EIF4G3: variants seen among roughly 807,000 people sequenced by gnomAD.
EIF4G3 encodes the protein eukaryotic translation initiation factor 4 gamma 3.
Under a neutral mutation model 186.4 loss-of-function variants are expected in EIF4G3, and 34 were observed. That is an observed-to-expected ratio of 0.18 (90% CI 0.14 to 0.24). The LOEUF (loss-of-function observed/expected upper bound fraction) is 0.24. EIF4G3 is among the 10% of genes least tolerant of loss of function. The probability of loss-of-function intolerance (pLI) is 1.00; values close to 1 mark genes in which losing one functional copy is unlikely to be tolerated. For synonymous variants in EIF4G3, 673 were observed against 679.5 expected, an observed-to-expected ratio of 0.99 and a Z score of 0.15; for missense variants, 1,536 against 1,948.5, an observed-to-expected ratio of 0.79 and a Z score of 3.99.
chr1:21,076,198 A>G (rs563965982), intron 3 of EIF4G3, among the ~76,000 whole-genome samples: 2 of 152,374 alleles, frequency 1.3e-5, no homozygotes, highest in South Asian at 4.1e-4. Context: ...ATCTTTGGAA[A>G]TAGATCTGTA....
chr1:21,024,303 A>G (rs1270399926), intron 4 of EIF4G3, among the ~76,000 whole-genome samples: 1 of 148,808 alleles, frequency 6.7e-6, no homozygotes, highest in Non-Finnish European at 1.5e-5. Flanking sequence ...GGAAGTGAAG[A>G]GCCCCTCTGC....
At chr1:21,156,855 G>A (rs760109151) in intron 2 of EIF4G3, among the ~76,000 whole-genome samples, 8 of 151,986 alleles carry the variant, frequency 5.3e-5, no homozygotes, top group East Asian at 1.9e-4. Context: ...CCAGAGGATC[G>A]CTTGAGCCCA....
Position 21,002,721 on chromosome 1 carries a change from G to A in EIF4G3, c.22C>T (p.Arg8Cys), listed in dbSNP as rs775723043. MNSQPQT[R>C]SPPSRTVPIH... is the part of the protein sequence containing the mutation. ...AGCTTCTGCTTACTTACCGGAGAAC[G>A]GGTTTGAGGTTGTGAATTCATTGTC... Residue 8 changes from arginine (R) to cysteine (C), a missense_variant, in exon 5 of 37, where the codon CGT becomes TGT. Arg to Cys is a radical substitution (Grantham distance 180, BLOSUM62 -3). Transcript: ENST00000602326. 6 of 1,613,300 alleles carry A rather than the reference G, an allele frequency of 3.7e-6. No homozygotes were observed. Among genetic ancestry groups the A allele is most frequent in the Admixed American group, 1.7e-5 (1 of 59,886 alleles).
chr1:20,955,100 T>TGAGGCAGGCAG (rs1476319330), intron 12 of EIF4G3, among the ~76,000 whole-genome samples: 2 of 152,116 alleles, frequency 1.3e-5, no homozygotes, highest in African/African-American at 4.8e-5. Context: ...TGGTGTGAAA[T>TGAGGCAGGCAG]GAGGCAGGCA....
chr1:21,066,289 T>C (rs1458780006), intron 3 of EIF4G3, among the ~76,000 whole-genome samples: 2 of 60,744 alleles, frequency 3.3e-5, no homozygotes, highest in East Asian at 1.0e-3. Flanking sequence ...AGTCCACTCC[T>C]GGAGGAAAAA....
intron 7 of EIF4G3, among the ~76,000 whole-genome samples, chr1:20,982,906 T>C (rs1376943145): frequency 6.6e-6 from 1 of 152,204 alleles, no homozygotes; most frequent in African/African-American, 2.4e-5. Flanking sequence ...TTTTAACTAA[T>C]CAGGTATATA....
intron 14 of EIF4G3, among the ~76,000 whole-genome samples, chr1:20,911,592 T>C (rs1396476587): frequency 1.7e-5 from 2 of 117,072 alleles, no homozygotes; most frequent in Non-Finnish European, 3.6e-5. Context: ...AAAAAAAGAA[T>C]GTAAAAGCGC....
chr1:21,098,540 GAAAAAAA>G (rs59544256), intron 2 of EIF4G3, among the ~76,000 whole-genome samples: 9 of 72,720 alleles, frequency 1.2e-4, no homozygotes, highest in East Asian at 5.0e-4. Flanking sequence ...GCCCTGTCTC[GAAAAAAA>G]AAAAAAAAAA....
chr1:21,025,531 A>G (rs75689352), intron 4 of EIF4G3, among the ~76,000 whole-genome samples: 4,421 of 152,254 alleles, frequency 0.029, 142 homozygotes, highest in East Asian at 0.14. Flanking sequence ...AAGGGGAAGA[A>G]AGCTGCTTCT....
intron 16 of EIF4G3, among the ~76,000 whole-genome samples, chr1:20,899,091 C>T (rs2089462592): frequency 2.0e-5 from 3 of 152,154 alleles, no homozygotes; most frequent in African/African-American, 4.8e-5. Context: ...CTCCATATAT[C>T]TCAAAGTCAG....
At chr1:21,086,199 C>CTTTTTTTTTTTTTTTTTTTTTTTTTTTTT (rs397979515) in intron 3 of EIF4G3, among the ~76,000 whole-genome samples, 1 of 95,222 alleles carries the variant, frequency 1.1e-5, no homozygotes, top group Non-Finnish European at 1.9e-5. Context: ...ACATGATACT[C>CTTTTTTTTTTTTTTTTTTTTTTTTTTTTT]TTTTTTTTTT....
intron 19 of EIF4G3, 96 bp from the exon 20 acceptor site, chr1:20,879,616 A>T (rs1168295290): frequency 2.8e-6 from 2 of 707,814 alleles, no homozygotes; most frequent in East Asian, 6.6e-5. Flanking sequence ...TATAAGTTCA[A>T]CTTCTCAAAT....
intron 33 of EIF4G3, among the ~76,000 whole-genome samples, chr1:20,818,516 C>T (rs1285670618): frequency 6.6e-6 from 1 of 152,014 alleles, no homozygotes; most frequent in South Asian, 2.1e-4. Flanking sequence ...GTGGCATGCG[C>T]CTGTGGTCCC....
At chr1:21,173,855 C>T (rs1024065521) in intron 2 of EIF4G3, among the ~76,000 whole-genome samples, 4 of 152,186 alleles carry the variant, frequency 2.6e-5, no homozygotes, top group African/African-American at 9.7e-5. Context: ...ACAATGACCA[C>T]TTGCGTCAAA....
At chr1:20,891,329 A>C (rs1043408585) in intron 18 of EIF4G3, among the ~76,000 whole-genome samples, 2 of 152,216 alleles carry the variant, frequency 1.3e-5, no homozygotes, top group African/African-American at 2.4e-5. Flanking sequence ...ATATGATAAT[A>C]ACCACAGATG....
chr1:20,811,025 C>T (rs991472079), intron 35 of EIF4G3, 141 bp from the exon 36 acceptor site: 7 of 735,780 alleles, frequency 9.5e-6, no homozygotes, highest in Non-Finnish European at 1.5e-5. Flanking sequence ...TCTAAGCTCA[C>T]TGCAACCTCC....
At chr1:21,002,463 A>G (rs774151300) in intron 5 of EIF4G3, among the ~76,000 whole-genome samples, 3 of 151,878 alleles carry the variant, frequency 2.0e-5, no homozygotes, top group Non-Finnish European at 4.4e-5. Flanking sequence ...AAATCATGCT[A>G]TAGAAAAGTA....
intron 2 of EIF4G3, chr1:21,162,212 A>G (rs2097778775): frequency 6.6e-6 from 1 of 152,074 alleles, no homozygotes; most frequent in South Asian, 2.1e-4. Context: ...ATCTAAACTA[A>G]TCCAAAGCAG....
chr1:21,113,669 T>G (rs1455139963), intron 2 of EIF4G3, among the ~76,000 whole-genome samples: 1 of 152,198 alleles, frequency 6.6e-6, no homozygotes, highest in Non-Finnish European at 1.5e-5. Context: ...TGGAAAATAC[T>G]GGTGCACTGT....
Sources: allele counts gnomAD v4.1 joint callset (sites outside exome capture counted in the v4.1 genomes callset), GRCh38; gene constraint gnomAD v4.1.1; transcripts MANE v1.5; gene names NCBI Gene and HGNC (gene_info 2026-07-23, HGNC 2026-07-21).